TRPM2: variants seen among roughly 807,000 people sequenced by gnomAD.
The protein encoded by TRPM2 is transient receptor potential cation channel subfamily M member 2, also known as estrogen-responsive element-associated gene 1 protein.
A neutral mutation model predicts 174.0 loss-of-function variants in TRPM2; 161 were observed. The ratio of observed to expected loss-of-function variants is 0.93; its 90% CI spans 0.81 to 1.05. The LOEUF (loss-of-function observed/expected upper bound fraction) is 1.05. Among genes scored for constraint, TRPM2 ranks in the 50% least tolerant of loss-of-function variants. TRPM2 has a pLI of 0.00. For missense variants in TRPM2, 2,057 were observed against 2,038.0 expected, an observed-to-expected ratio of 1.01 and a Z score of -0.18; for synonymous variants, 954 against 861.3, an observed-to-expected ratio of 1.11 and a Z score of -1.88.
At position 44,438,495 on chromosome 21, in the gene TRPM2, A is replaced by G. The variant is rs535072578; in HGVS notation, c.4168-572A>G. Among the ~76,000 whole-genome samples the G allele has an allele frequency of 2.0e-5, 3 of 152,296 alleles. No homozygotes were observed. The East Asian group carries it at 5.8e-4, about 29-fold the overall frequency. On this transcript the variant is annotated intron_variant, in intron 29 of 31. Coordinates refer to ENST00000397928, the MANE Select transcript of TRPM2 (RefSeq NM_003307.4). This position sits in a 1 kb window ranked among gnomAD's most constrained non-coding sequence, Gnocchi z 5.9. ...TCTTGACGTGGCCTGCAAAGTCTTC[A>G]TGAGAAACCCACGGGTGTTTCAGTG...
rs866843088 is a variant in TRPM2, at chr21:44,407,683, A to G, written c.2962+918A>G. On this transcript the variant is annotated intron_variant, in intron 19 of 31. Transcript: ENST00000397928. ...TTTCTGGGCGTTTCATAGAAACTGG[A>G]TGATGTAATAGGCAGTCTTTGGTGT... 2.0e-4 allele frequency among the ~76,000 whole-genome samples: 31 copies of G among 151,726 alleles called. No individual in the cohort carries two copies. In the Middle Eastern group the frequency reaches 0.014, roughly 67 times the overall value.
chr21:44,369,403 G>A (rs2146168561), intron 5 of TRPM2, 60 bp downstream of exon 5: 3 of 1,543,332 alleles, frequency 1.9e-6, no homozygotes, highest in East Asian at 2.3e-5. Flanking sequence ...AGGTCTGACT[G>A]GGCGCTGTGG....
chr21:44,410,920 T>C (rs973673465), intron 19 of TRPM2, among the ~76,000 whole-genome samples: 35 of 148,114 alleles, frequency 2.4e-4, no homozygotes, highest in Admixed American at 4.7e-4. Context: ...GGCGTAGCCT[T>C]GTAGTAAGTT....
In TRPM2 at chr21:44,418,464, T is replaced by C. The variant is rs918348144; in HGVS notation, c.3370T>C (p.Trp1124Arg). 3 of 1,613,830 alleles carry C rather than the reference T, an allele frequency of 1.9e-6. No individual in the cohort carries two copies. The African/African-American group carries it at 4.0e-5, about 22-fold the overall frequency. Residue 1124 changes from tryptophan to arginine, a missense_variant, in exon 22 of 32, where the codon TGG becomes CGG. By Grantham distance (101) the Trp-to-Arg change is moderately radical. Coordinates refer to ENST00000397928, the MANE Select transcript of TRPM2 (RefSeq NM_003307.4). ...GAACGAGGAGGCGGCCCTGCTATCC[T>C]GGGAGATCTACCTGAAGGAGAACTA... ...EKNEEAALLS[W>R]EIYLKENYLQ... is the part of the protein sequence containing the mutation.
Position 44,353,844 on chromosome 21 carries a change from C to G in TRPM2, c.144C>G (p.Cys48Trp). The G allele has an allele frequency of 1.3e-6, 2 of 1,599,472 alleles. No homozygotes were observed. The highest frequency in any genetic ancestry group is 1.7e-6 in the Non-Finnish European group (2 of 1,174,226). Residue 48 changes from cysteine (C) to tryptophan (W), a missense_variant, in exon 1 of 32, where the codon TGC (cysteine) becomes TGG (tryptophan). Cys to Trp is a radical substitution (Grantham distance 215, BLOSUM62 -2). Transcript: ENST00000397928. Reference sequence around the variant, plus strand: ...TCTTCAAGAGCTGGAGGCTACAGTGCCCCTTCGGCAACAATGACAAGGTAG... The same window carrying G: ...TCTTCAAGAGCTGGAGGCTACAGTGGCCCTTCGGCAACAATGACAAGGTAG... ...SSLFKSWRLQ[C>W]PFGNNDKQES...
chr21:44,355,346 C>T (rs183302940), intron 2 of TRPM2, among the ~76,000 whole-genome samples: 132 of 152,356 alleles, frequency 8.7e-4, no homozygotes, highest in African/African-American at 2.9e-3. Flanking sequence ...CCTTTAGGCA[C>T]GGACAGAGTG....
intron 8 of TRPM2, among the ~76,000 whole-genome samples, chr21:44,381,995 TG>T (rs2048895411): frequency 1.4e-5 from 2 of 147,470 alleles, no homozygotes; most frequent in South Asian, 2.2e-4. Flanking sequence ...GATAGATAGA[TG>T]GATGATAGAT....
Position 44,399,205 on chromosome 21 carries a change from G to T in TRPM2, c.2063-91G>T, listed in dbSNP as rs2049526480. On this transcript the variant is annotated intron_variant, in intron 13 of 31. Transcript: ENST00000397928. The surrounding 1 kb of genome is among the most constrained non-coding windows in gnomAD (Gnocchi z 4.6). ...CTGTGCCCTTCCCTGTGTCCTGGTG[G>T]TGCTGTCCCGAGTGGTTGCCCTCTG... 1.0e-5 allele frequency: 15 copies of T among 1,488,802 alleles called. No homozygotes were observed. Among genetic ancestry groups the T allele is most frequent in the Non-Finnish European group, 1.1e-5 (12 of 1,106,966 alleles). 92.2% of individuals were successfully genotyped at this position (1,488,802 alleles called of 1,614,324 possible). A position where few individuals can be genotyped will look rare whatever the true frequency, so the allele number is the denominator to read the frequency against.
At chr21:44,400,502 C>T in intron 15 of TRPM2, 131 bp downstream of exon 15, 1 of 804,810 alleles carries the variant, frequency 1.2e-6, no homozygotes, top group Non-Finnish European at 1.9e-6. Context: ...GTCCCTGGAT[C>T]CTGGGGCTGT....
At chr21:44,417,105 A>G (rs1436524878) in intron 20 of TRPM2, among the ~76,000 whole-genome samples, 1 of 120,270 alleles carries the variant, frequency 8.3e-6, no homozygotes, top group African/African-American at 3.4e-5. Flanking sequence ...GTGGCATCAC[A>G]GTGGGCATGT....
At chr21:44,426,345 A>G (rs2050774699) in intron 25 of TRPM2, among the ~76,000 whole-genome samples, 1 of 152,124 alleles carries the variant, frequency 6.6e-6, no homozygotes, top group African/African-American at 2.4e-5. Flanking sequence ...GGTCTCTACC[A>G]CATAGAATCC....
At chr21:44,424,787 C>A in intron 23 of TRPM2, 65 bp from the exon 24 acceptor site, 1 of 1,077,942 alleles carries the variant, frequency 9.3e-7, no homozygotes, top group South Asian at 1.9e-5. Context: ...TCTCGGTGGG[C>A]AGTGGGGTGT....
rs2048382714 is a variant in TRPM2 at position 44,366,977 on chromosome 21, G to C, written c.604+43G>C. 2 of 1,535,798 alleles carry C rather than the reference G, an allele frequency of 1.3e-6. No individual in the cohort carries two copies. The highest frequency in any genetic ancestry group is 3.9e-4 in the Middle Eastern group (2 of 5,158). ...GGGACACGAGGCCCCGGCGGGTGGG[G>C]TGGGCTGTGGAGGCAGTGCTGGGGC... On this transcript the variant is annotated intron_variant, in intron 4 of 31. Transcript: ENST00000397928. This position sits in a 1 kb window ranked among gnomAD's most constrained non-coding sequence, Gnocchi z 6.0.
intron 27 of TRPM2, among the ~76,000 whole-genome samples, chr21:44,428,280 G>A (rs1454694086): frequency 1.3e-5 from 2 of 152,142 alleles, no homozygotes; most frequent in African/African-American, 4.8e-5. Context: ...ATTGTATAAG[G>A]TGTGAGGAGG....
rs182400539 is a variant in TRPM2, at chr21:44,383,861, T to C, written c.1318+1041T>C. Among the ~76,000 whole-genome samples, 48 of 152,038 alleles carry C rather than the reference T, an allele frequency of 3.2e-4. No individual in the cohort carries two copies. In the East Asian group the frequency reaches 8.7e-3, roughly 28 times the overall value. ...AGCTTATGGGACATAGCAAAAACAA[T>C]GCTAATGGAGAAGTTTATAGCTATA... On this transcript the variant is annotated intron_variant, in intron 9 of 31. Coordinates refer to ENST00000397928, the MANE Select transcript of TRPM2 (RefSeq NM_003307.4).
chr21:44,440,470 C>T (rs573281277), intron 30 of TRPM2, among the ~76,000 whole-genome samples: 9 of 152,266 alleles, frequency 5.9e-5, no homozygotes, highest in African/African-American at 2.2e-4. Context: ...CTTGGATTTG[C>T]CGGTTCTGGG....
At chr21:44,380,997 G>A (rs559559164) in intron 8 of TRPM2, among the ~76,000 whole-genome samples, 1 of 152,306 alleles carries the variant, frequency 6.6e-6, no homozygotes, top group African/African-American at 2.4e-5. Context: ...GGATGGGGGT[G>A]CTGAAAGCCA....
Position 44,426,668 on chromosome 21 carries a change from C to G in TRPM2, c.3804C>G (p.Phe1268Leu). 6.2e-7 allele frequency: 1 copy of G among 1,614,216 alleles called. No homozygotes were observed. Residue 1268 changes from phenylalanine (F) to leucine (L), a missense_variant, in exon 26 of 32, where the codon TTC becomes TTG. By Grantham distance (22) the Phe-to-Leu change is conservative (BLOSUM62 0). Coordinates refer to ENST00000397928, the MANE Select transcript of TRPM2 (RefSeq NM_003307.4). ...TCCCTGTTTTGCGACAGACGGAGTTCCTGATCTATGACCCACCCTTTTACA... is the reference window on the plus strand; with the variant it reads ...TCCCTGTTTTGCGACAGACGGAGTTGCTGATCTATGACCCACCCTTTTACA... Reference protein sequence around the residue: ...PNEKVPWETEFLIYDPPFYTA... With the variant: ...PNEKVPWETELLIYDPPFYTA...
In TRPM2 at chr21:44,354,942, C is replaced by T. The variant is rs571744843; in HGVS notation, c.254+206C>T. 3.0e-4 allele frequency among the ~76,000 whole-genome samples: 46 copies of T among 152,308 alleles called. No homozygotes were observed. The highest frequency in any genetic ancestry group is 8.9e-4 in the African/African-American group (37 of 41,570). Reference sequence around the variant, plus strand: ...GGGACAGTTGACCCTCATCCTGCCTCGCAGGTGCAGGGACCAAAGTGCAGA... The same window carrying T: ...GGGACAGTTGACCCTCATCCTGCCTTGCAGGTGCAGGGACCAAAGTGCAGA... On this transcript the variant is annotated intron_variant, in intron 2 of 31. Coordinates refer to ENST00000397928, the MANE Select transcript of TRPM2 (RefSeq NM_003307.4). This position sits in a 1 kb window ranked among gnomAD's most constrained non-coding sequence, Gnocchi z 4.3.
Sources: allele counts gnomAD v4.1 joint callset (sites outside exome capture counted in the v4.1 genomes callset), GRCh38; gene constraint gnomAD v4.1.1; non-coding constraint Gnocchi (gnomAD v3.1); transcripts MANE v1.5; gene names NCBI Gene and HGNC (gene_info 2026-07-23, HGNC 2026-07-21).